Variants in FANCI observed in about 807,000 individuals in gnomAD.
The protein encoded by FANCI is Fanconi anemia group I protein.
Under a neutral mutation model 176.1 loss-of-function variants are expected in FANCI, and 156 were observed. The ratio of observed to expected loss-of-function variants is 0.89; its 90% CI spans 0.78 to 1.01. The LOEUF is 1.01. Among genes scored for constraint, FANCI ranks in the 50% least tolerant of loss-of-function variants. The pLI, the probability that FANCI is intolerant of heterozygous loss-of-function variation, is 0.00. For synonymous variants in FANCI, 613 were observed against 541.7 expected (o/e 1.13, Z -1.83); for missense variants, 1,678 against 1,534.1 (o/e 1.09, Z -1.57).
intron 36 of FANCI, 119 bp downstream of exon 36, chr15:89,314,826 A>AACC (rs2055143098): frequency 2.2e-6 from 1 of 450,752 alleles, no homozygotes; most frequent in Non-Finnish European, 3.7e-6. Context: ...TGTGTTTGCC[A>AACC]TCCCCCCTCT....
intron 22 of FANCI, among the ~76,000 whole-genome samples, chr15:89,293,621 G>A (rs2054146973): frequency 6.6e-6 from 1 of 152,192 alleles, no homozygotes; most frequent in African/African-American, 2.4e-5. Flanking sequence ...CTGGGAGGCG[G>A]AGGTTGCAGT....
At chr15:89,256,443 C>G (rs1357960788) in intron 2 of FANCI, among the ~76,000 whole-genome samples, 5 of 152,210 alleles carry the variant, frequency 3.3e-5, no homozygotes, top group Non-Finnish European at 7.4e-5. Context: ...TGGACTCCAG[C>G]TAGAAACACC....
chr15:89,260,776 A>G lies in FANCI; in HGVS notation c.221A>G (p.Gln74Arg). The change falls in exon 4 of 38, where the codon CAG becomes CGG. Residue 74 changes from glutamine (Q) to arginine (R), a missense_variant. By Grantham distance (43) the Gln-to-Arg change is conservative (BLOSUM62 1). Coordinates refer to ENST00000310775, the MANE Select transcript of FANCI (RefSeq NM_001113378.2). ...RRRKIYTCCIQLVESGDLQKE... is the reference protein window; with the variant it reads ...RRRKIYTCCIRLVESGDLQKE... The stretch of plus-strand genomic sequence containing the variant: ...CGTAAGATATACACTTGTTGTATCC[A>G]GTTGGTGGAATCGGGGGATTTGCAG... 1 of 1,613,980 alleles carries G rather than the reference A, an allele frequency of 6.2e-7. No homozygotes were observed. The highest frequency in any genetic ancestry group is 8.5e-7 in the Non-Finnish European group (1 of 1,179,888).
chr15:89,302,596 C>T (rs2054565517), intron 27 of FANCI, among the ~76,000 whole-genome samples: 1 of 149,440 alleles, frequency 6.7e-6, no homozygotes, highest in African/African-American at 2.5e-5. Flanking sequence ...TTTTTTGAGA[C>T]AGAGTCTCGC....
chr15:89,289,621 A>C (rs2053980733), intron 18 of FANCI, among the ~76,000 whole-genome samples: 1 of 151,714 alleles, frequency 6.6e-6, no homozygotes, highest in African/African-American at 2.4e-5. Flanking sequence ...CTTTTCTTTA[A>C]ACAAAAAAAT....
rs753044978 is a variant in FANCI at position 89,281,157 on chromosome 15, TTC to T, written c.1382-11_1382-10del. On this transcript the variant is annotated splice_polypyrimidine_tract_variant and intron_variant, in intron 14 of 37. Transcript: ENST00000310775. Reference sequence around the variant, plus strand: ...GTTATTTGAGACAACTGATTATAGATTCTGTTTTTCAGACCTGCTTTCAAATA... The same window carrying T: ...GTTATTTGAGACAACTGATTATAGATTGTTTTTCAGACCTGCTTTCAAATA... 57 of 1,612,862 alleles carry T rather than the reference TTC, an allele frequency of 3.5e-5. No homozygotes were observed. In the Middle Eastern group the frequency reaches 5.0e-4, roughly 14 times the overall value.
chr15:89,292,677 T>G lies in FANCI; in HGVS notation c.1993-11T>G. 6.2e-7 allele frequency: 1 copy of G among 1,612,616 alleles called. No homozygotes were observed. On this transcript the variant is annotated splice_polypyrimidine_tract_variant and intron_variant, in intron 20 of 37. Transcript: ENST00000310775. The stretch of plus-strand genomic sequence containing the variant: ...CTCAAGAGTATTTAATTTACTTATT[T>G]TCTCCTACAGGATTATCTGCTGTGT...
intron 2 of FANCI, among the ~76,000 whole-genome samples, chr15:89,253,016 G>C (rs1170540595): frequency 6.6e-6 from 1 of 152,200 alleles, no homozygotes; most frequent in East Asian, 1.9e-4. Flanking sequence ...AGAGCTCTGA[G>C]AGAGGATTAA....
intron 20 of FANCI, among the ~76,000 whole-genome samples, chr15:89,292,323 T>C (rs1170389982): frequency 6.6e-6 from 1 of 152,194 alleles, no homozygotes; most frequent in African/African-American, 2.4e-5. Context: ...GCTGTGTTGG[T>C]CTCCTAAAGA....
In FANCI at chr15:89,264,554, A is replaced by T. The variant is rs1300475220; in HGVS notation, c.702A>T (p.Ile234=). 1 of 1,613,770 alleles carries T rather than the reference A, an allele frequency of 6.2e-7. No homozygotes were observed. The highest frequency in any genetic ancestry group is 1.3e-5 in the African/African-American group (1 of 74,920). The part of the protein sequence containing the change: ...GSRKSVLEGI[I]AFFSALDKQH... ...GAAAGAGTGTTTTGGAAGGAATCATAGCCTTCTTCAGTGCACTAGATAAGC... is the reference window on the plus strand; with the variant it reads ...GAAAGAGTGTTTTGGAAGGAATCATTGCCTTCTTCAGTGCACTAGATAAGC... The change falls in exon 9 of 38, where the codon ATA becomes ATT. Residue 234 remains isoleucine, a synonymous_variant. Transcript: ENST00000310775.
chr15:89,291,481 G>A (rs1426861827), intron 19 of FANCI, 132 bp from the exon 20 acceptor site: 2 of 745,732 alleles, frequency 2.7e-6, no homozygotes, highest in Middle Eastern at 5.6e-4. Flanking sequence ...AAACTTGGCT[G>A]CATTGTTCTT....
In FANCI at chr15:89,285,967, A is replaced by G. The variant is rs1315442720; in HGVS notation, c.1821+749A>G. ...AATTGGTTTGAGAGACTGACTTTCC[A>G]AACATTGTTCCAAACTTAGTTTTTT... On this transcript the variant is annotated intron_variant, in intron 18 of 37. Transcript: ENST00000310775. Among the ~76,000 whole-genome samples the G allele has an allele frequency of 2.0e-5, 3 of 148,976 alleles. No individual in the cohort carries two copies. In the East Asian group the frequency reaches 5.9e-4, roughly 29 times the overall value.
At chr15:89,282,536 T>A (rs1596286524) in intron 16 of FANCI, 1 of 165,864 alleles carries the variant, frequency 6.0e-6, no homozygotes, top group Admixed American at 5.5e-5. Flanking sequence ...ATTGGCCATA[T>A]TATAATATAT....
At chr15:89,247,455 C>G in intron 1 of FANCI, 174 bp from the exon 2 acceptor site, 1 of 608,164 alleles carries the variant, frequency 1.6e-6, no homozygotes, top group Non-Finnish European at 2.9e-6. Flanking sequence ...AATCATCTTG[C>G]CACTGAGCTT....
intron 15 of FANCI, 105 bp from the exon 16 acceptor site, chr15:89,281,658 CAG>C (rs1183386248): frequency 7.8e-6 from 8 of 1,030,290 alleles, no homozygotes; most frequent in Non-Finnish European, 1.2e-5. Flanking sequence ...GTATATAAAA[CAG>C]AAGTAAGCTT....
At chr15:89,279,555 TA>T (rs964941829) in intron 14 of FANCI, among the ~76,000 whole-genome samples, 19 of 152,340 alleles carry the variant, frequency 1.2e-4, no homozygotes, top group African/African-American at 3.4e-4. Flanking sequence ...TCACTGTTTA[TA>T]ACTCCCCTGA....
In FANCI at chr15:89,268,398, G is replaced by C. The variant is rs545051989; in HGVS notation, c.756-1G>C. The C allele has an allele frequency of 1.9e-6, 3 of 1,614,088 alleles. No homozygotes were observed. The South Asian group carries it at 3.3e-5, about 18-fold the overall frequency. On this transcript the variant is annotated splice_acceptor_variant, in intron 9 of 37. Coordinates refer to ENST00000310775, the MANE Select transcript of FANCI (RefSeq NM_001113378.2). LOFTEE classifies it high-confidence loss of function. Reference sequence around the variant, plus strand: ...TCATAACTTTCTGTTGAATCTTTTAGGCTATTGGATGTTGTCACTGTGCCA... The same window carrying C: ...TCATAACTTTCTGTTGAATCTTTTACGCTATTGGATGTTGTCACTGTGCCA...
At position 89,292,997 on chromosome 15, in the gene FANCI, G is replaced by A. The variant is rs2283432; in HGVS notation, c.2225G>A (p.Cys742Tyr). 1 of 1,613,782 alleles carries A rather than the reference G, an allele frequency of 6.2e-7. No homozygotes were observed. Among genetic ancestry groups the A allele is most frequent in the South Asian group, 1.1e-5 (1 of 91,072 alleles). ...STSIGIKNNI[C>Y]AFLVMGVCEV... ...AGTATTGGCATAAAAAATAATATCT[G>A]TGCTTTTCTTGTGATGGGAGTTTGT... Residue 742 changes from cysteine (C) to tyrosine (Y), a missense_variant, in exon 22 of 38, where the codon TGT (cysteine) becomes TAT (tyrosine). Transcript: ENST00000310775.
At position 89,253,786 on chromosome 15, in the gene FANCI, T is replaced by TG. The variant is rs11319263; in HGVS notation, c.85-4905dup. On this transcript the variant is annotated intron_variant, in intron 2 of 37. Coordinates refer to ENST00000310775, the MANE Select transcript of FANCI (RefSeq NM_001113378.2). ...ATATCCCTAATTCATAAATAACTTG[T>TG]GGGGGGGGGGGGGAAGATAAACTGT... is the stretch of plus-strand genomic sequence containing the variant. 8.7e-3 allele frequency among the ~76,000 whole-genome samples: 973 copies of TG among 111,444 alleles called. 1 individual carries two copies. The highest frequency in any genetic ancestry group is 0.014 in the East Asian group (43 of 3,132). 73.1% of individuals were successfully genotyped at this position (111,444 alleles called of 152,430 possible).
Sources: allele counts gnomAD v4.1 joint callset (sites outside exome capture counted in the v4.1 genomes callset), GRCh38; gene constraint gnomAD v4.1.1; transcripts MANE v1.5; gene names NCBI Gene and HGNC (gene_info 2026-07-23, HGNC 2026-07-21).